The following FLI1 variants were observed in gnomAD, a reference collection of about 807,000 sequenced individuals.
The protein encoded by FLI1 is Fli-1 proto-oncogene, ETS transcription factor, also known as Friend leukemia integration 1 transcription factor.
FLI1 carries 13 observed loss-of-function variants against 53.1 expected under a neutral mutation model. The observed-to-expected ratio is 0.24, with a 90% CI of 0.16 to 0.39. The LOEUF (loss-of-function observed/expected upper bound fraction) is 0.39, where lower values mean the gene tolerates loss of function less well. Among genes scored for constraint, FLI1 ranks in the 10% least tolerant of loss-of-function variants. FLI1 has a pLI of 1.00. For synonymous variants in FLI1, 244 were observed against 236.7 expected, an observed-to-expected ratio of 1.03 and a Z score of -0.28; for missense variants, 424 against 600.5, an observed-to-expected ratio of 0.71 and a Z score of 3.07.
chr11:128,766,482 C>T (rs988779484), intron 2 of FLI1, among the ~76,000 whole-genome samples: 12 of 152,158 alleles, frequency 7.9e-5, no homozygotes, highest in Non-Finnish European at 1.2e-4. Flanking sequence ...AAAAAATTAC[C>T]GTCTGACTTC....
chr11:128,687,972 A>G (rs1446743238), intron 1 of FLI1, among the ~76,000 whole-genome samples: 1 of 152,238 alleles, frequency 6.6e-6, no homozygotes, highest in East Asian at 1.9e-4. Flanking sequence ...GCATACTTTA[A>G]GGTTAGACTA....
At chr11:128,698,737 A>T (rs370461381) in intron 1 of FLI1, among the ~76,000 whole-genome samples, 3,029 of 102,938 alleles carry the variant, frequency 0.029, 116 homozygotes, top group African/African-American at 0.1. Flanking sequence ...TGTGTGTGAG[A>T]GAGAGAGAGA....
chr11:128,688,805 G>T (rs1218170047), intron 1 of FLI1, among the ~76,000 whole-genome samples: 1 of 152,192 alleles, frequency 6.6e-6, no homozygotes, highest in Non-Finnish European at 1.5e-5. Flanking sequence ...GTAGTTGATG[G>T]ATAACCGCAA....
intron 1 of FLI1, among the ~76,000 whole-genome samples, chr11:128,701,519 A>G (rs1938332952): frequency 6.6e-6 from 1 of 152,144 alleles, no homozygotes; most frequent in Non-Finnish European, 1.5e-5. Flanking sequence ...GTTCAGACGC[A>G]TTTTCAGATA....
At chr11:128,702,924 C>G (rs574815258) in intron 1 of FLI1, among the ~76,000 whole-genome samples, 2 of 147,706 alleles carry the variant, frequency 1.4e-5, no homozygotes, top group African/African-American at 2.5e-5. Context: ...AAATGAGAAA[C>G]GGAGAAAGAA....
chr11:128,777,707 G>T (rs1428699347), intron 4 of FLI1, among the ~76,000 whole-genome samples: 3 of 152,244 alleles, frequency 2.0e-5, no homozygotes, highest in Admixed American at 2.0e-4. Flanking sequence ...CACTCAGCCA[G>T]AGCTGTTGAT....
chr11:128,764,830 T>C, intron 2 of FLI1: 1 of 1,592,208 alleles, frequency 6.3e-7, no homozygotes, highest in Non-Finnish European at 8.5e-7. Context: ...AGGTATGGCT[T>C]TCCTTCTTTC....
rs752656842 is a variant in FLI1, at chr11:128,758,286, G to A, written c.190G>A (p.Val64Ile). The change falls in exon 2 of 9, where the codon GTC becomes ATC. Residue 64 changes from valine to isoleucine, a missense_variant. Transcript: ENST00000527786. ...QQEWINQPVR[V>I]NVKREYDHMN... Reference sequence around the variant, plus strand: ...GGAGTGGATCAATCAGCCAGTGAGGGTCAACGTCAAGCGGGAGTATGACCA... The same window carrying A: ...GGAGTGGATCAATCAGCCAGTGAGGATCAACGTCAAGCGGGAGTATGACCA... 6.2e-7 allele frequency: 1 copy of A among 1,613,648 alleles called. No homozygotes were observed. The highest frequency in any genetic ancestry group is 2.2e-5 in the East Asian group (1 of 44,874).
chr11:128,714,485 T>G (rs1256183910), intron 1 of FLI1, among the ~76,000 whole-genome samples: 1 of 152,204 alleles, frequency 6.6e-6, no homozygotes, highest in Non-Finnish European at 1.5e-5. Flanking sequence ...TGTTAGAATT[T>G]CTGAGGAAAC....
chr11:128,690,076 G>A (rs1216774132), upstream of FLI1, among the ~76,000 whole-genome samples: 1 of 152,240 alleles, frequency 6.6e-6, no homozygotes, highest in Non-Finnish European at 1.5e-5. Flanking sequence ...ATCCAGGGGC[G>A]GCTTGAGCTG....
chr11:128,774,302 T>G (rs1044389603), intron 4 of FLI1, among the ~76,000 whole-genome samples: 3 of 152,196 alleles, frequency 2.0e-5, no homozygotes, highest in Admixed American at 2.0e-4. Flanking sequence ...GATGCAGTAT[T>G]TGTTAGCTCC....
At chr11:128,687,391 C>A (rs1371453106) in intron 1 of FLI1, among the ~76,000 whole-genome samples, 6 of 152,130 alleles carry the variant, frequency 3.9e-5, no homozygotes, top group Non-Finnish European at 8.8e-5. Context: ...CACCAGGAGG[C>A]CCTGCTCATG....
chr11:128,765,055 G>T (rs1033773226), intron 2 of FLI1, among the ~76,000 whole-genome samples: 1 of 151,930 alleles, frequency 6.6e-6, no homozygotes, highest in African/African-American at 2.4e-5. Context: ...AGGGCCGGGG[G>T]AGGGAGAGAG....
intron 5 of FLI1, among the ~76,000 whole-genome samples, chr11:128,782,792 C>T (rs1018109500): frequency 2.6e-5 from 4 of 152,298 alleles, no homozygotes; most frequent in Middle Eastern, 6.8e-3. Flanking sequence ...AAAACTTCCT[C>T]GGCAAATGAT....
intron 1 of FLI1, among the ~76,000 whole-genome samples, chr11:128,742,596 C>A (rs1940186535): frequency 6.6e-6 from 1 of 152,212 alleles, no homozygotes; most frequent in Admixed American, 6.5e-5. Context: ...AATTCAGTTC[C>A]TCAGTCACAC....
chr11:128,806,449 AG>A (rs1259913270), intron 6 of FLI1: 1 of 152,260 alleles, frequency 6.6e-6, no homozygotes, highest in African/African-American at 2.4e-5. Context: ...TGAGGACCTC[AG>A]GTTCCTGGAG....
chr11:128,811,660 C>T lies in FLI1; in HGVS notation c.*672C>T, dbSNP rs1387538843. ...TAAGAAATTTTAATGCAAATACATA[C>T]ATTCCTGAAAGACGGGGAATTAAAT... On this transcript the variant is annotated 3_prime_UTR_variant, in exon 9 of 9. Coordinates refer to ENST00000527786, the MANE Select transcript of FLI1 (RefSeq NM_002017.5). 1.4e-5 allele frequency: 3 copies of T among 206,898 alleles called. No homozygotes were observed. In the East Asian group the frequency reaches 2.2e-4, roughly 15 times the overall value. 12.8% of individuals were successfully genotyped at this position (206,898 alleles called of 1,614,324 possible). A position where few individuals can be genotyped will look rare whatever the true frequency, so the allele number is the denominator to read the frequency against.
chr11:128,799,044 TTATTATTA>T (rs1942540711), intron 5 of FLI1, among the ~76,000 whole-genome samples: 7 of 131,496 alleles, frequency 5.3e-5, no homozygotes, highest in South Asian at 2.4e-4. Context: ...ATTATTATTA[TTATTATTA>T]TTTTGCTTTG....
chr11:128,807,468 C>A (rs778940051), intron 7 of FLI1, among the ~76,000 whole-genome samples: 3 of 152,092 alleles, frequency 2.0e-5, no homozygotes, highest in Non-Finnish European at 2.9e-5. Context: ...TGAACTATTC[C>A]AATGCTTTAT....
Sources: allele counts gnomAD v4.1 joint callset (sites outside exome capture counted in the v4.1 genomes callset), GRCh38; gene constraint gnomAD v4.1.1; transcripts MANE v1.5; gene names NCBI Gene and HGNC (gene_info 2026-07-23, HGNC 2026-07-21).